Variants in TMEM18 observed in about 807,000 individuals in gnomAD.
TMEM18 encodes the protein transmembrane protein 18.
In TMEM18, 14 loss-of-function variants were observed where a neutral mutation model predicts 17.4. The observed-to-expected ratio is 0.80, with a 90% CI of 0.53 to 1.25. The LOEUF (loss-of-function observed/expected upper bound fraction) is 1.25. Ranked by LOEUF, TMEM18 falls within the 50% of genes most tolerant of loss-of-function variation. The pLI is 0.00. For missense variants in TMEM18, 187 were observed against 172.1 expected (o/e 1.09, Z -0.48); for synonymous variants, 86 against 66.1 (o/e 1.30, Z -1.46).
chr2:672,919 A>C (rs1183778291), intron 2 of TMEM18, 57 bp from the exon 3 acceptor site: 4 of 1,435,214 alleles, frequency 2.8e-6, no homozygotes, highest in Non-Finnish European at 3.7e-6. Context: ...ACTCGTTATA[A>C]AGTTATACAT....
At position 669,536 on chromosome 2, in the gene TMEM18, C is replaced by T; in HGVS notation, c.*44G>A. 6.3e-7 allele frequency: 1 copy of T among 1,594,352 alleles called. No individual in the cohort carries two copies. The highest frequency in any genetic ancestry group is 8.6e-7 in the Non-Finnish European group (1 of 1,162,466). On this transcript the variant is annotated 3_prime_UTR_variant, in exon 5 of 5. Coordinates refer to ENST00000281017, the MANE Select transcript of TMEM18 (RefSeq NM_152834.4). ...GCACACTGCAGCACTGGGAGCTGCA[C>T]TGGGTGGACGGGAAGGACGCAAACT...
At chr2:674,314 T>G (rs1678937936) in intron 2 of TMEM18, among the ~76,000 whole-genome samples, 3 of 152,218 alleles carry the variant, frequency 2.0e-5, no homozygotes, top group Non-Finnish European at 4.4e-5. Flanking sequence ...CCTCAGGGCC[T>G]CTGCGTGGGG....
In TMEM18 at chr2:677,270, T is replaced by TA; in HGVS notation, c.57+18dup. On this transcript the variant is annotated intron_variant, in intron 1 of 4. Coordinates refer to ENST00000281017, the MANE Select transcript of TMEM18 (RefSeq NM_152834.4). ...CGCCGTCCTCCCCCGAACTGGTGGT[T>TA]ACGCGGGCCGCGAGTTACCGTGAGC... 6.2e-7 allele frequency: 1 copy of TA among 1,607,776 alleles called. No homozygotes were observed. The highest frequency in any genetic ancestry group is 8.5e-7 in the Non-Finnish European group (1 of 1,178,672).
At position 669,813 on chromosome 2, in the gene TMEM18, TC is replaced by T. The variant is rs1261096644; in HGVS notation, c.270del (p.Met91CysfsTer5). ...FSKYQYFDSR[G>X]MFISIVFSAP... ...GCTGAAAATACTATAGAAATGAACA[TC>T]CCCCTGGAGTCGAAATACTGGTATT... On this transcript the variant is annotated frameshift_variant, in exon 4 of 5. Coordinates refer to ENST00000281017, the MANE Select transcript of TMEM18 (RefSeq NM_152834.4). LOFTEE classifies it high-confidence loss of function. 1.9e-6 allele frequency: 3 copies of T among 1,613,494 alleles called. No individual in the cohort carries two copies. The highest frequency in any genetic ancestry group is 3.3e-5 in the Admixed American group (2 of 59,942).
At position 677,363 on chromosome 2, in the gene TMEM18, T is replaced by A; in HGVS notation, c.-18A>T. 6.2e-7 allele frequency: 1 copy of A among 1,609,806 alleles called. No individual in the cohort carries two copies. Among genetic ancestry groups the A allele is most frequent in the Non-Finnish European group, 8.5e-7 (1 of 1,178,830 alleles). ...GACGGCATGGTGTTGGGAAGCCCGC[T>A]CTCACAGCAACCGCCGAACCCGGCC... On this transcript the variant is annotated 5_prime_UTR_variant, in exon 1 of 5. Transcript: ENST00000281017.
Position 669,376 on chromosome 2 carries a change from G to A in TMEM18, c.*204C>T, listed in dbSNP as rs1470424969. On this transcript the variant is annotated 3_prime_UTR_variant, in exon 5 of 5. Transcript: ENST00000281017. Reference sequence around the variant, plus strand: ...GCCTGACTACAAAGATCAGGCACCTGAAGACGCATGTCCTGATGGATACAT... The same window carrying A: ...GCCTGACTACAAAGATCAGGCACCTAAAGACGCATGTCCTGATGGATACAT... 1.3e-5 allele frequency: 8 copies of A among 603,586 alleles called. No individual in the cohort carries two copies. In the Admixed American group the frequency reaches 1.5e-4, roughly 11 times the overall value. 37.4% of individuals were successfully genotyped at this position (603,586 alleles called of 1,614,324 possible).
chr2:677,074 A>G (rs1053967100), intron 1 of TMEM18: 1 of 254,584 alleles, frequency 3.9e-6, no homozygotes, highest in African/African-American at 5.4e-5. Context: ...GCCCCCTCCC[A>G]CAGGGCCCAG....
chr2:668,718 G>A lies in TMEM18; in HGVS notation c.*862C>T, dbSNP rs1346511069. 1 of 152,234 alleles carries A rather than the reference G, an allele frequency of 6.6e-6. No individual in the cohort carries two copies. The highest frequency in any genetic ancestry group is 6.5e-5 in the Admixed American group (1 of 15,282). The allele number at this position is 152,234 out of a possible 1,614,324, so 9.4% of individuals were successfully genotyped here. A position where few individuals can be genotyped will look rare whatever the true frequency, so the allele number is the denominator to read the frequency against. On this transcript the variant is annotated 3_prime_UTR_variant, in exon 5 of 5. Coordinates refer to ENST00000281017, the MANE Select transcript of TMEM18 (RefSeq NM_152834.4). Reference sequence around the variant, plus strand: ...CACTGGGCAGGAGCTATTTTATAAAGTGGATATTGCAAAGTAACAGTATGC... The same window carrying A: ...CACTGGGCAGGAGCTATTTTATAAAATGGATATTGCAAAGTAACAGTATGC...
intron 1 of TMEM18, chr2:676,571 C>G: frequency 6.4e-7 from 1 of 1,550,488 alleles, no homozygotes; most frequent in Non-Finnish European, 8.7e-7. Context: ...TCAATGCACC[C>G]ACCAGAAGAC....
At position 663,903 on chromosome 2, in the gene TMEM18, G is replaced by A. The variant is rs944091611; in HGVS notation, c.*5677C>T. ...TTAAAGAGCAAAAAAGCCAACATGAGTAACTTTATTTATAAAGGTGTCACA... is the reference window on the plus strand; with the variant it reads ...TTAAAGAGCAAAAAAGCCAACATGAATAACTTTATTTATAAAGGTGTCACA... On this transcript the variant is annotated 3_prime_UTR_variant, in exon 5 of 5. Coordinates refer to ENST00000281017, the MANE Select transcript of TMEM18 (RefSeq NM_152834.4). Among the ~76,000 whole-genome samples, 1 of 152,212 alleles carries A rather than the reference G, an allele frequency of 6.6e-6. No homozygotes were observed. The highest frequency in any genetic ancestry group is 1.5e-5 in the Non-Finnish European group (1 of 68,040).
At chr2:675,652 C>T in intron 1 of TMEM18, 22 bp from the exon 2 acceptor site, 1 of 1,611,526 alleles carries the variant, frequency 6.2e-7, no homozygotes, top group Non-Finnish European at 8.5e-7. Context: ...CACCAGCAGA[C>T]ACTCACTGTC....
At chr2:677,007 T>TCCCCG (rs1659265713) in intron 1 of TMEM18, among the ~76,000 whole-genome samples, 1 of 9,408 alleles carries the variant, frequency 1.1e-4, no homozygotes, top group Admixed American at 7.0e-4. Context: ...GCCCCGCCCC[T>TCCCCG]CCCCGCCCAA....
intron 2 of TMEM18, among the ~76,000 whole-genome samples, chr2:673,837 G>A (rs1050931895): frequency 2.6e-5 from 4 of 151,152 alleles, no homozygotes; most frequent in Non-Finnish European, 4.4e-5. Flanking sequence ...AGAAGGGTAG[G>A]CTAACACAGG....
At position 676,648 on chromosome 2, in the gene TMEM18, T is replaced by C. The variant is rs559899863; in HGVS notation, c.57+641A>G. On this transcript the variant is annotated intron_variant, in intron 1 of 4. Transcript: ENST00000281017. ...CCCCATCGAGTGCCCATGTCACCCC[T>C]TGGCGGCCACGTGGGGCGTGGGCTC... The C allele has an allele frequency of 6.9e-5, 107 of 1,549,436 alleles. No homozygotes were observed. The African/African-American group carries it at 1.2e-3, about 18-fold the overall frequency.
chr2:664,608 C>T lies in TMEM18; in HGVS notation c.*4972G>A, dbSNP rs1028608119. Among the ~76,000 whole-genome samples, 1 of 152,114 alleles carries T rather than the reference C, an allele frequency of 6.6e-6. No individual in the cohort carries two copies. The highest frequency in any genetic ancestry group is 2.4e-5 in the African/African-American group (1 of 41,444). On this transcript the variant is annotated 3_prime_UTR_variant, in exon 5 of 5. Transcript: ENST00000281017. ...TTTCACCTATTACTCAGAAAAGTTT[C>T]TTTTTTTACGTTGCTACTTAGTGCA... is the stretch of plus-strand genomic sequence containing the variant.
At chr2:673,548 A>C (rs890936963) in intron 2 of TMEM18, among the ~76,000 whole-genome samples, 1 of 152,236 alleles carries the variant, frequency 6.6e-6, no homozygotes, top group Non-Finnish European at 1.5e-5. Flanking sequence ...CAAATTAAGA[A>C]AAATGTGATG....
At chr2:675,916 C>T (rs1678992279) in intron 1 of TMEM18, 1 of 1,433,904 alleles carries the variant, frequency 7.0e-7, no homozygotes, top group Non-Finnish European at 9.2e-7. Context: ...CTGATGTGCT[C>T]CTTTCGTTTG....
chr2:676,312 G>A, intron 1 of TMEM18: 4 of 1,483,710 alleles, frequency 2.7e-6, no homozygotes, highest in Non-Finnish European at 3.6e-6. Context: ...CCCACCTGAT[G>A]CTCAGATGCC....
At position 677,361 on chromosome 2, in the gene TMEM18, G is replaced by T. The variant is rs13394567; in HGVS notation, c.-16C>A. 4.0e-5 allele frequency: 64 copies of T among 1,609,600 alleles called. No individual in the cohort carries two copies. Among genetic ancestry groups the T allele is most frequent in the African/African-American group, 1.1e-4 (8 of 75,052 alleles). On this transcript the variant is annotated 5_prime_UTR_variant, in exon 1 of 5. Transcript: ENST00000281017. ...CGGACGGCATGGTGTTGGGAAGCCCGCTCTCACAGCAACCGCCGAACCCGG... is the reference window on the plus strand; with the variant it reads ...CGGACGGCATGGTGTTGGGAAGCCCTCTCTCACAGCAACCGCCGAACCCGG...
Sources: gnomAD v4.1 joint callset for allele counts (sites outside exome capture counted in the v4.1 genomes callset) on GRCh38, gnomAD v4.1.1 for gene constraint, MANE v1.5 for transcripts, NCBI Gene and HGNC (gene_info 2026-07-23, HGNC 2026-07-21) for gene names.